The following RBFOX2 variants were observed in gnomAD, a reference collection of about 807,000 sequenced individuals.
RBFOX2 encodes RNA binding fox-1 homolog 2.
Under a neutral mutation model 49.1 loss-of-function variants are expected in RBFOX2, and 10 were observed. The observed-to-expected ratio is 0.20, with a 90% CI of 0.13 to 0.35. RBFOX2 has a LOEUF of 0.35. Among genes scored for constraint, RBFOX2 ranks in the 10% least tolerant of loss-of-function variants. The pLI, the probability that RBFOX2 is intolerant of heterozygous loss-of-function variation, is 1.00. For missense variants in RBFOX2, 323 were observed against 486.9 expected (o/e 0.66, Z 3.17); for synonymous variants, 183 against 187.4 (o/e 0.98, Z 0.19).
chr22:35,766,129 T>C (rs1292031603), intron 5 of RBFOX2, among the ~76,000 whole-genome samples: 1 of 152,224 alleles, frequency 6.6e-6, no homozygotes, highest in East Asian at 1.9e-4. Flanking sequence ...TTTATTTATT[T>C]TGTTTTATGG....
At chr22:35,940,530 T>C (rs977933607), upstream of RBFOX2, among the ~76,000 whole-genome samples, 1 of 152,172 alleles carries the variant, frequency 6.6e-6, no homozygotes, top group Non-Finnish European at 1.5e-5. Context: ...TGGAAACAGT[T>C]GGATAGTCCT....
chr22:35,858,610 G>A (rs889394229), intron 1 of RBFOX2, among the ~76,000 whole-genome samples: 1 of 152,064 alleles, frequency 6.6e-6, no homozygotes, highest in African/African-American at 2.4e-5. Flanking sequence ...TGGATCATTT[G>A]AAGTCAGGAG....
chr22:35,869,915 G>T (rs1020205482), intron 1 of RBFOX2, among the ~76,000 whole-genome samples: 1 of 152,102 alleles, frequency 6.6e-6, no homozygotes, highest in Non-Finnish European at 1.5e-5. Flanking sequence ...AGAATAGCAC[G>T]TACAACCTAC....
intron 3 of RBFOX2, among the ~76,000 whole-genome samples, chr22:35,780,555 T>A (rs964180484): frequency 6.6e-6 from 1 of 152,146 alleles, no homozygotes; most frequent in Non-Finnish European, 1.5e-5. Context: ...AATAAACAGT[T>A]GAAAGAATAC....
At chr22:35,931,877 G>A (rs1395773527) in intron 1 of RBFOX2, among the ~76,000 whole-genome samples, 1 of 152,180 alleles carries the variant, frequency 6.6e-6, no homozygotes, top group Non-Finnish European at 1.5e-5. Flanking sequence ...GTGGGTCCAG[G>A]AAAAATCCAG....
At chr22:35,821,360 G>C (rs1456950457) in intron 1 of RBFOX2, among the ~76,000 whole-genome samples, 2 of 152,146 alleles carry the variant, frequency 1.3e-5, no homozygotes, top group South Asian at 4.2e-4. Flanking sequence ...CCAGCACTTT[G>C]GGAGGCCAAG....
At chr22:35,744,356 TC>T in intron 11 of RBFOX2, 107 bp from the exon 14 acceptor site, 2 of 1,013,674 alleles carry the variant, frequency 2.0e-6, no homozygotes, top group Non-Finnish European at 2.8e-6. Flanking sequence ...CTTCGAAGCC[TC>T]AAAGCAACTG....
intron 1 of RBFOX2, among the ~76,000 whole-genome samples, chr22:35,937,621 C>T (rs1569501159): frequency 6.6e-6 from 1 of 152,134 alleles, no homozygotes; most frequent in Non-Finnish European, 1.5e-5. Context: ...GACAAAGTCT[C>T]GCTCTATCAC....
At chr22:35,952,290 A>G (rs2055035481) in intron 1 of RBFOX2, among the ~76,000 whole-genome samples, 2 of 152,194 alleles carry the variant, frequency 1.3e-5, no homozygotes, top group Admixed American at 1.3e-4. Context: ...ATTGCTTTAT[A>G]GCCTTTTACT....
intron 1 of RBFOX2, among the ~76,000 whole-genome samples, chr22:35,891,299 AATTGTTTGT>A (rs1168042130): frequency 6.6e-6 from 1 of 151,950 alleles, no homozygotes; most frequent in African/African-American, 2.4e-5. Context: ...ATGCCCAGCT[AATTGTTTGT>A]ATTTTTAGTA....
intron 1 of RBFOX2, among the ~76,000 whole-genome samples, chr22:35,854,311 G>A (rs747569150): frequency 3.3e-5 from 5 of 152,006 alleles, no homozygotes; most frequent in Non-Finnish European, 5.9e-5. Flanking sequence ...TAGGCTGGAA[G>A]CAGTGGCTCA....
chr22:35,968,918 A>G (rs1015192963), intron 1 of RBFOX2, among the ~76,000 whole-genome samples: 1 of 152,226 alleles, frequency 6.6e-6, no homozygotes, highest in Non-Finnish European at 1.5e-5. Context: ...TCCAAGGTCT[A>G]CTACTGTCTC....
intron 1 of RBFOX2, among the ~76,000 whole-genome samples, chr22:35,948,422 G>A (rs1040420403): frequency 3.9e-5 from 6 of 152,170 alleles, no homozygotes; most frequent in African/African-American, 1.2e-4. Flanking sequence ...ATTCTGGCCA[G>A]GCACAGTGAC....
At chr22:35,936,803 T>C (rs1465925535) in intron 1 of RBFOX2, among the ~76,000 whole-genome samples, 1 of 152,178 alleles carries the variant, frequency 6.6e-6, no homozygotes, top group African/African-American at 2.4e-5. Flanking sequence ...TAAATTCCTA[T>C]TAACTCCTTT....
At chr22:35,897,893 T>G in intron 1 of RBFOX2, 1 of 728,132 alleles carries the variant, frequency 1.4e-6, no homozygotes, top group Admixed American at 1.8e-5. Flanking sequence ...ATATTCACAT[T>G]CAGATGTGCA....
intron 1 of RBFOX2, among the ~76,000 whole-genome samples, chr22:35,893,408 A>G (rs540749020): frequency 2.2e-4 from 33 of 152,336 alleles, no homozygotes; most frequent in African/African-American, 6.5e-4. Flanking sequence ...TTCATCAAAC[A>G]TAAGTGAGTG....
chr22:35,934,880 A>G (rs2149709627), intron 1 of RBFOX2, among the ~76,000 whole-genome samples: 1 of 152,316 alleles, frequency 6.6e-6, no homozygotes, highest in South Asian at 2.1e-4. Flanking sequence ...CAAACAGTCA[A>G]CTAGGAATCT....
intron 1 of RBFOX2, among the ~76,000 whole-genome samples, chr22:35,835,666 G>A (rs1448516142): frequency 6.6e-6 from 1 of 152,030 alleles, no homozygotes; most frequent in Non-Finnish European, 1.5e-5. Context: ...AAAGATAAAG[G>A]AAAAAATAGA....
upstream of RBFOX2, among the ~76,000 whole-genome samples, chr22:35,841,025 C>T (rs571301703): frequency 6.6e-6 from 1 of 152,176 alleles, no homozygotes; most frequent in Admixed American, 6.5e-5. Flanking sequence ...AGAGAGGACA[C>T]AGGTAATGAG....
Sources: gnomAD v4.1 joint callset for allele counts (sites outside exome capture counted in the v4.1 genomes callset) on GRCh38, gnomAD v4.1.1 for gene constraint, MANE v1.5 for transcripts, NCBI Gene and HGNC (gene_info 2026-07-23, HGNC 2026-07-21) for gene names.